The following QPCTL variants were observed in gnomAD, a reference collection of about 807,000 sequenced individuals.
QPCTL encodes the protein glutaminyl-peptide cyclotransferase like.
Under a neutral mutation model 34.6 loss-of-function variants are expected in QPCTL, and 31 were observed. That is an observed-to-expected ratio of 0.90 (90% CI 0.67 to 1.21). The LOEUF (loss-of-function observed/expected upper bound fraction) is 1.21, where lower values mean the gene tolerates loss of function less well. Among genes scored for constraint, QPCTL ranks in the 50% most tolerant of loss-of-function variants. The pLI, the probability that QPCTL is intolerant of heterozygous loss-of-function variation, is 0.00. For missense variants in QPCTL, 474 were observed against 507.8 expected (o/e 0.93, Z 0.64); for synonymous variants, 223 against 226.9 (o/e 0.98, Z 0.15).
chr19:45,696,734 C>CT (rs1967703173), intron 3 of QPCTL, among the ~76,000 whole-genome samples: 1 of 149,480 alleles, frequency 6.7e-6, no homozygotes, highest in Non-Finnish European at 1.5e-5. Flanking sequence ...GACCTTGTCT[C>CT]TTAAAAAAAA....
chr19:45,698,469 C>G (rs867337141), intron 3 of QPCTL, 78 bp from the exon 4 acceptor site: 1 of 1,543,290 alleles, frequency 6.5e-7, no homozygotes, highest in Non-Finnish European at 8.8e-7. Flanking sequence ...AGCATGCAAG[C>G]GGGCAAGAAG....
chr19:45,699,458 A>G (rs1967769744), intron 5 of QPCTL, among the ~76,000 whole-genome samples: 1 of 152,088 alleles, frequency 6.6e-6, no homozygotes. Flanking sequence ...ACTGCACTCC[A>G]GCCTGGGCAA....
intron 3 of QPCTL, among the ~76,000 whole-genome samples, chr19:45,696,512 C>T (rs1967699378): frequency 6.6e-6 from 1 of 151,834 alleles, no homozygotes; most frequent in Admixed American, 6.6e-5. Context: ...ATTGCTTGAA[C>T]CCGGGAGGCG....
intron 2 of QPCTL, among the ~76,000 whole-genome samples, chr19:45,694,336 G>A (rs1292941885): frequency 2.6e-5 from 4 of 151,752 alleles, no homozygotes; most frequent in East Asian, 1.9e-4. Flanking sequence ...CTGAGATTGC[G>A]CCACTGCACC....
At position 45,692,744 on chromosome 19, in the gene QPCTL, G is replaced by C; in HGVS notation, c.41G>C (p.Gly14Ala). Residue 14 changes from glycine (G) to alanine (A), a missense_variant, in exon 1 of 7, where the codon GGG becomes GCG. Physicochemically the swap from Gly to Ala is moderately conservative, Grantham distance 60. Transcript: ENST00000012049. ...CGCGGGCGACCCCGCCTGCGGCTGG[G>C]GGAACGTGGCCTCATGGAGCCACTC... Reference protein sequence around the residue: ...GGRGRPRLRLGERGLMEPLLP... With the variant: ...GGRGRPRLRLAERGLMEPLLP... 3 of 1,573,884 alleles carry C rather than the reference G, an allele frequency of 1.9e-6. No homozygotes were observed. The highest frequency in any genetic ancestry group is 2.6e-6 in the Non-Finnish European group (3 of 1,159,294).
chr19:45,702,957 C>T lies in QPCTL; in HGVS notation c.1057C>T (p.Pro353Ser). ...GCCCTTCCCTGCTGTCTGGCACACCCCTGCGGACACCGAGGTCAATCTCCA... is the reference window on the plus strand; with the variant it reads ...GCCCTTCCCTGCTGTCTGGCACACCTCTGCGGACACCGAGGTCAATCTCCA... ...STPFPAVWHT[P>S]ADTEVNLHPP... The change falls in exon 7 of 7, where the codon CCT becomes TCT. Residue 353 changes from proline to serine, a missense_variant. Pro to Ser is a moderately conservative substitution (Grantham distance 74). Transcript: ENST00000012049. The T allele has an allele frequency of 6.2e-7, 1 of 1,614,068 alleles. No individual in the cohort carries two copies. Among genetic ancestry groups the T allele is most frequent in the South Asian group, 1.1e-5 (1 of 91,086 alleles).
intron 2 of QPCTL, 81 bp from the exon 3 acceptor site, chr19:45,695,356 T>C: frequency 7.4e-7 from 1 of 1,353,790 alleles, no homozygotes; most frequent in Non-Finnish European, 1.0e-6. Flanking sequence ...CCATCTGCTC[T>C]GCATGGCTCA....
In QPCTL at chr19:45,693,517, G is replaced by A. The variant is rs772090539; in HGVS notation, c.312G>A (p.Val104=). 6.2e-7 allele frequency: 1 copy of A among 1,612,572 alleles called. No individual in the cohort carries two copies. The highest frequency in any genetic ancestry group is 1.1e-5 in the South Asian group (1 of 90,776). ...WSTYLRPLLV[V]RTPGSPGNLQ... is the part of the protein sequence containing the mutation. The stretch of plus-strand genomic sequence containing the variant: ...CTTATCTGCGCCCCCTGCTGGTTGT[G>A]CGAACCCCGGGCAGCCCGGGAAATC... The change falls in exon 2 of 7, where the codon GTG becomes GTA. Residue 104 remains valine, a synonymous_variant. Coordinates refer to ENST00000012049, the MANE Select transcript of QPCTL (RefSeq NM_017659.4).
At position 45,701,756 on chromosome 19, in the gene QPCTL, A is replaced by G. The variant is rs747728236; in HGVS notation, c.887-42A>G. On this transcript the variant is annotated intron_variant, in intron 5 of 6. Transcript: ENST00000012049. The stretch of plus-strand genomic sequence containing the variant: ...ATTTGTGGACTGGGGACCTTCGACT[A>G]CTAAGGACTAACCCTTCCTCTCTAA... The G allele has an allele frequency of 5.4e-6, 8 of 1,490,190 alleles. No individual in the cohort carries two copies. In the South Asian group the frequency reaches 7.0e-5, roughly 13 times the overall value. The allele number at this position is 1,490,190 out of a possible 1,614,324, so 92.3% of individuals were successfully genotyped here.
intron 5 of QPCTL, among the ~76,000 whole-genome samples, chr19:45,701,122 A>T (rs77235322): frequency 2.2e-5 from 3 of 138,350 alleles, no homozygotes; most frequent in African/African-American, 9.1e-5. Context: ...GCGCACACAC[A>T]CACACACACA....
intron 1 of QPCTL, among the ~76,000 whole-genome samples, chr19:45,693,153 C>A (rs575921107): frequency 3.3e-4 from 50 of 152,218 alleles, no homozygotes; most frequent in African/African-American, 1.2e-3. Flanking sequence ...CTTTAGTCAA[C>A]TATTTGGAAG....
At position 45,701,839 on chromosome 19, in the gene QPCTL, C is replaced by T. The variant is rs1967817284; in HGVS notation, c.928C>T (p.Gln310Ter). ...TTTGAACCTGCTGCAGTCTCATCCC[C>T]AGGAAGTGATGTACTTCCAACCCGG... ...HRLNLLQSHPQEVMYFQPGEP... is the reference protein window; with the variant it reads ...HRLNLLQSHP The change falls in exon 6 of 7, where the codon CAG becomes TAG. Residue 310 changes from glutamine to a stop codon, truncating the protein, a stop_gained. Transcript: ENST00000012049. LOFTEE classifies it high-confidence loss of function. The T allele has an allele frequency of 6.2e-7, 1 of 1,614,064 alleles. No individual in the cohort carries two copies. Among genetic ancestry groups the T allele is most frequent in the Non-Finnish European group, 8.5e-7 (1 of 1,179,962 alleles).
At chr19:45,698,398 T>C (rs1193079437) in intron 3 of QPCTL, 149 bp from the exon 4 acceptor site, 1 of 946,286 alleles carries the variant, frequency 1.1e-6, no homozygotes, top group East Asian at 2.6e-5. Flanking sequence ...GACAACTGAC[T>C]CGGAATCTGT....
chr19:45,693,677 G>A, intron 2 of QPCTL, 121 bp downstream of exon 2: 6 of 1,372,890 alleles, frequency 4.4e-6, no homozygotes, highest in Non-Finnish European at 5.8e-6. Flanking sequence ...GGAGTTAATC[G>A]GACTCTAGAC....
chr19:45,698,390 C>G (rs1156912899), intron 3 of QPCTL, 157 bp from the exon 4 acceptor site: 2 of 877,350 alleles, frequency 2.3e-6, no homozygotes, highest in Admixed American at 5.7e-5. Flanking sequence ...TGATCCCAGA[C>G]AACTGACTCG....
chr19:45,692,937 C>A (rs1967603145), intron 1 of QPCTL, 27 bp downstream of exon 1: 1 of 1,526,634 alleles, frequency 6.6e-7, no homozygotes, highest in Non-Finnish European at 8.8e-7. Flanking sequence ...ACCCGGGCAC[C>A]GCGGGGACCC....
At chr19:45,702,867 T>A (rs1167332735) in intron 6 of QPCTL, 37 bp from the exon 7 acceptor site, 4 of 1,613,130 alleles carry the variant, frequency 2.5e-6, no homozygotes, top group Non-Finnish European at 3.4e-6. Flanking sequence ...TGTGGTGGGC[T>A]GCAGTGGACC....
Position 45,695,588 on chromosome 19 carries a change from A to T in QPCTL, c.503A>T (p.His168Leu), listed in dbSNP as rs943519678. Residue 168 changes from histidine to leucine, a missense_variant, in exon 3 of 7, where the codon CAT (histidine) becomes CTT (leucine). Coordinates refer to ENST00000012049, the MANE Select transcript of QPCTL (RefSeq NM_017659.4). ...RAARHLTLAC[H>L]YDSKLFPPGS... ...GCCCGTCACCTCACCCTTGCCTGCC[A>T]TTATGACTCGAAGCTCTTCCCACCC... 2 of 1,613,952 alleles carry T rather than the reference A, an allele frequency of 1.2e-6. No individual in the cohort carries two copies. Among genetic ancestry groups the T allele is most frequent in the Non-Finnish European group, 1.7e-6 (2 of 1,179,994 alleles).
chr19:45,698,274 AC>A (rs1240251555), intron 3 of QPCTL, among the ~76,000 whole-genome samples: 2 of 151,896 alleles, frequency 1.3e-5, no homozygotes, highest in Non-Finnish European at 2.9e-5. Flanking sequence ...CAAAAAAAAA[AC>A]AAAAAACCTC....
Sources: gnomAD v4.1 joint callset for allele counts (sites outside exome capture counted in the v4.1 genomes callset) on GRCh38, gnomAD v4.1.1 for gene constraint, MANE v1.5 for transcripts, NCBI Gene and HGNC (gene_info 2026-07-23, HGNC 2026-07-21) for gene names.